The following PTPRM variants were observed in gnomAD, a reference collection of about 807,000 sequenced individuals.
The protein encoded by PTPRM is receptor-type tyrosine-protein phosphatase mu.
Under a neutral mutation model 186.7 loss-of-function variants are expected in PTPRM, and 47 were observed. The ratio of observed to expected loss-of-function variants is 0.25; its 90% confidence interval spans 0.20 to 0.32. PTPRM has a LOEUF of 0.32. PTPRM is among the 10% of genes least tolerant of loss of function. The pLI is 1.00. For synonymous variants in PTPRM, 668 were observed against 674.9 expected, an observed-to-expected ratio of 0.99 and a Z score of 0.16; for missense variants, 1,494 against 1,865.0, an observed-to-expected ratio of 0.80 and a Z score of 3.66.
chr18:8,404,638 A>T (rs1268774370), intron 32 of PTPRM: 1 of 152,278 alleles, frequency 6.6e-6, no homozygotes, highest in Non-Finnish European at 1.5e-5. Flanking sequence ...GTTTTCAATT[A>T]ATTTGGCAAA....
At chr18:7,605,038 G>T (rs999428475) in intron 1 of PTPRM, among the ~76,000 whole-genome samples, 5 of 152,146 alleles carry the variant, frequency 3.3e-5, no homozygotes, top group Non-Finnish European at 2.9e-5. Flanking sequence ...TGCAACACAG[G>T]TGAATTTTTT....
chr18:8,009,261 G>C (rs2084372927), intron 7 of PTPRM, among the ~76,000 whole-genome samples: 1 of 152,052 alleles, frequency 6.6e-6, no homozygotes, highest in African/African-American at 2.4e-5. Context: ...GAAGGATGTG[G>C]CTAAAAGATG....
intron 14 of PTPRM, among the ~76,000 whole-genome samples, chr18:8,178,205 C>G (rs886342217): frequency 6.6e-6 from 1 of 152,102 alleles, no homozygotes. Flanking sequence ...CTCGTTTCTT[C>G]TGAGCTATAG....
chr18:8,379,030 A>G (rs547953667), intron 27 of PTPRM, 137 bp from the exon 28 acceptor site: 10 of 634,336 alleles, frequency 1.6e-5, no homozygotes, highest in African/African-American at 3.8e-5. Context: ...AACTCGAACT[A>G]TGGTGGGTTG....
intron 1 of PTPRM, among the ~76,000 whole-genome samples, chr18:7,592,093 T>C (rs1359378307): frequency 6.6e-6 from 1 of 152,212 alleles, no homozygotes; most frequent in Non-Finnish European, 1.5e-5. Context: ...TTTATTGCAT[T>C]ACATATTTTA....
At chr18:8,162,326 C>T (rs1469306502) in intron 14 of PTPRM, among the ~76,000 whole-genome samples, 1 of 152,180 alleles carries the variant, frequency 6.6e-6, no homozygotes, top group Non-Finnish European at 1.5e-5. Context: ...GCCTTGAACT[C>T]CTGACCTCAG....
At chr18:7,659,312 A>T (rs1372712516) in intron 1 of PTPRM, among the ~76,000 whole-genome samples, 1 of 152,098 alleles carries the variant, frequency 6.6e-6, no homozygotes, top group Non-Finnish European at 1.5e-5. Context: ...CTGTGTTCCC[A>T]GTCTCCAGAA....
intron 5 of PTPRM, among the ~76,000 whole-genome samples, chr18:7,930,671 C>T (rs2051434147): frequency 6.6e-6 from 1 of 151,880 alleles, no homozygotes; most frequent in Non-Finnish European, 1.5e-5. Context: ...TGGGTGTGAC[C>T]AATATTACAT....
intron 7 of PTPRM, among the ~76,000 whole-genome samples, chr18:7,977,001 A>G (rs547564879): frequency 5.5e-4 from 83 of 151,714 alleles, no homozygotes; most frequent in Non-Finnish European, 1.1e-3. Flanking sequence ...AACTATGGGG[A>G]TCAATTGTAA....
chr18:8,333,127 T>A (rs185737180), intron 22 of PTPRM, among the ~76,000 whole-genome samples: 30 of 152,340 alleles, frequency 2.0e-4, no homozygotes, highest in African/African-American at 7.0e-4. Context: ...TTCCTTTAAA[T>A]GGTAATTTTC....
intron 1 of PTPRM, among the ~76,000 whole-genome samples, chr18:7,653,020 C>T (rs933079605): frequency 2.6e-5 from 4 of 151,498 alleles, no homozygotes; most frequent in Non-Finnish European, 1.5e-5. Context: ...GAACAGATAC[C>T]TCATCAAAGA....
chr18:8,387,765 T>C (rs78968289), intron 31 of PTPRM, among the ~76,000 whole-genome samples: 6 of 81,548 alleles, frequency 7.4e-5, no homozygotes, highest in African/African-American at 2.3e-4. Context: ...TGCGTGTGTG[T>C]GCGCGCGCGT....
chr18:8,335,422 G>C (rs1368551077), intron 22 of PTPRM, among the ~76,000 whole-genome samples: 3 of 152,144 alleles, frequency 2.0e-5, no homozygotes, highest in Admixed American at 1.3e-4. Context: ...TTTTCTTCTT[G>C]TGTATCCCCA....
At chr18:7,601,196 C>T (rs1360471788) in intron 1 of PTPRM, among the ~76,000 whole-genome samples, 3 of 152,268 alleles carry the variant, frequency 2.0e-5, no homozygotes, top group South Asian at 2.1e-4. Context: ...TTTTCTAGCC[C>T]GCGGTTTCTG....
intron 19 of PTPRM, among the ~76,000 whole-genome samples, chr18:8,290,695 T>G (rs1420577132): frequency 1.3e-5 from 2 of 152,198 alleles, no homozygotes; most frequent in Non-Finnish European, 1.5e-5. Flanking sequence ...TTCATTTTTA[T>G]TGTTTTGGAG....
At position 7,687,485 on chromosome 18, in the gene PTPRM, A is replaced by G. The variant is rs62089831; in HGVS notation, c.74-86664A>G. ...TTTGATTTACTCTAATTTATTTGAT[A>G]TCAGCAGCCTGTTAGATGATAATTT... On this transcript the variant is annotated intron_variant, in intron 1 of 32. Coordinates refer to ENST00000580170, the MANE Select transcript of PTPRM (RefSeq NM_001105244.2). 4.2e-3 allele frequency among the ~76,000 whole-genome samples: 644 copies of G among 152,338 alleles called. 3 individuals carry two copies. Among genetic ancestry groups the G allele is most frequent in the Non-Finnish European group, 6.8e-3 (464 of 68,034 alleles).
chr18:7,585,234 C>A (rs994703241), intron 1 of PTPRM, among the ~76,000 whole-genome samples: 1 of 152,272 alleles, frequency 6.6e-6, no homozygotes, highest in Non-Finnish European at 1.5e-5. Context: ...AGAGAATAAA[C>A]TTTTACATAG....
intron 14 of PTPRM, among the ~76,000 whole-genome samples, chr18:8,224,179 G>A (rs982572640): frequency 6.6e-6 from 1 of 152,192 alleles, no homozygotes; most frequent in Non-Finnish European, 1.5e-5. Flanking sequence ...TTGAAAGTCT[G>A]CTGTACATTG....
chr18:7,654,593 C>A (rs1407446297), intron 1 of PTPRM, among the ~76,000 whole-genome samples: 1 of 152,048 alleles, frequency 6.6e-6, no homozygotes. Flanking sequence ...TTGAGTTTTA[C>A]GTTTAAAGTC....
Sources: gnomAD v4.1 joint callset for allele counts (sites outside exome capture counted in the v4.1 genomes callset) on GRCh38, gnomAD v4.1.1 for gene constraint, MANE v1.5 for transcripts, NCBI Gene and HGNC (gene_info 2026-07-23, HGNC 2026-07-21) for gene names.